Variants in FANK1 observed in about 807,000 individuals in gnomAD.
The protein encoded by FANK1 is fibronectin type III and ankyrin repeat domains 1.
FANK1 carries 44 observed loss-of-function variants against 45.3 expected under a neutral mutation model. The observed-to-expected ratio is 0.97, with a 90% confidence interval of 0.76 to 1.25. The LOEUF (loss-of-function observed/expected upper bound fraction) is 1.25, where lower values mean the gene tolerates loss of function less well. Among genes scored for constraint, FANK1 ranks in the 50% most tolerant of loss-of-function variants. The pLI, the probability that FANK1 is intolerant of heterozygous loss-of-function variation, is 0.00. For missense variants in FANK1, 391 were observed against 424.4 expected (o/e 0.92, Z 0.69); for synonymous variants, 149 against 152.5 (o/e 0.98, Z 0.17).
At chr10:125,910,549 CTGTT>C (rs1945907529) in intron 1 of FANK1, among the ~76,000 whole-genome samples, 2 of 152,144 alleles carry the variant, frequency 1.3e-5, no homozygotes, top group South Asian at 4.1e-4. Flanking sequence ...ATTCCTGTGT[CTGTT>C]CTGTACTTTG....
At chr10:125,959,413 C>CAAAAAAAAA (rs767754151) in intron 1 of FANK1, among the ~76,000 whole-genome samples, 16 of 74,638 alleles carry the variant, frequency 2.1e-4, no homozygotes, top group Non-Finnish European at 3.2e-4. Context: ...GACTCTGTCT[C>CAAAAAAAAA]AAAAAAAAAA....
At chr10:126,007,138 C>T (rs1446373220) in intron 7 of FANK1, 10 of 152,142 alleles carry the variant, frequency 6.6e-5, no homozygotes, top group Non-Finnish European at 2.9e-5. Flanking sequence ...GCTTCTGAAG[C>T]CCATGGGAAG....
At chr10:125,980,092 A>G (rs887096157) in intron 1 of FANK1, 69 bp from the exon 2 acceptor site, 25 of 1,510,376 alleles carry the variant, frequency 1.7e-5, no homozygotes, top group Non-Finnish European at 2.2e-5. Context: ...AGCAGCTGTA[A>G]TCCACTCGAC....
intron 2 of FANK1, among the ~76,000 whole-genome samples, chr10:125,981,707 G>GA (rs1951230959): frequency 6.6e-6 from 1 of 152,114 alleles, no homozygotes; most frequent in Non-Finnish European, 1.5e-5. Context: ...AAGAAAGAGT[G>GA]ATTGTACCTT....
chr10:125,994,749 G>C, intron 3 of FANK1: 1 of 985,364 alleles, frequency 1.0e-6, no homozygotes, highest in Non-Finnish European at 1.2e-6. Flanking sequence ...CCGCCTGCCT[G>C]TTGGCTTCGC....
chr10:125,900,777 A>G (rs1254685981), intron 1 of FANK1, among the ~76,000 whole-genome samples: 1 of 151,994 alleles, frequency 6.6e-6, no homozygotes, highest in Non-Finnish European at 1.5e-5. Flanking sequence ...TCAGCCTCCC[A>G]AGTAGCTGGG....
At chr10:125,933,605 G>A (rs574339649) in intron 1 of FANK1, among the ~76,000 whole-genome samples, 3 of 151,862 alleles carry the variant, frequency 2.0e-5, no homozygotes, top group African/African-American at 7.2e-5. Flanking sequence ...TTTATGTTTC[G>A]TCTTTTTTGT....
intron 1 of FANK1, among the ~76,000 whole-genome samples, chr10:125,897,998 CAAAAAAAAAAAAAAAAA>C (rs373550249): frequency 2.8e-3 from 47 of 16,794 alleles, no homozygotes; most frequent in African/African-American, 9.9e-3. Flanking sequence ...TACTAAAATA[CAAAAAAAAAAAAAAAAA>C]AAAAAAAAAA....
intron 6 of FANK1, among the ~76,000 whole-genome samples, chr10:126,002,763 CTT>C (rs375158618): frequency 1.3e-3 from 152 of 113,198 alleles, no homozygotes; most frequent in Middle Eastern, 5.3e-3. Flanking sequence ...TTTGCCTCTC[CTT>C]TTTTTTTTTT....
rs147932623 is a variant in FANK1 at position 125,951,802 on chromosome 10, A to G, written c.14-28359A>G. 3.8e-4 allele frequency among the ~76,000 whole-genome samples: 58 copies of G among 152,288 alleles called. No individual in the cohort carries two copies. In the East Asian group the frequency reaches 8.1e-3, roughly 21 times the overall value. On this transcript the variant is annotated intron_variant, in intron 1 of 10. Transcript: ENST00000368693. ...TCCGTTGAGTTTAAATTTTAGAATG[A>G]TCAATAATTGTGGAAAAAAATTCAT...
chr10:126,004,232 T>C (rs1481089906), intron 6 of FANK1: 5 of 151,926 alleles, frequency 3.3e-5, no homozygotes, highest in East Asian at 3.8e-4. Context: ...ATTGGTTTGA[T>C]AGTTATCTCT....
intron 1 of FANK1, among the ~76,000 whole-genome samples, chr10:125,957,046 G>A (rs1393042009): frequency 6.6e-6 from 1 of 152,108 alleles, no homozygotes; most frequent in Admixed American, 6.5e-5. Flanking sequence ...TAGTAGAGAC[G>A]GGGTTTCACC....
intron 1 of FANK1, among the ~76,000 whole-genome samples, chr10:125,912,944 G>T (rs1174923140): frequency 6.6e-6 from 1 of 152,192 alleles, no homozygotes; most frequent in Non-Finnish European, 1.5e-5. Context: ...CTATTGCTTA[G>T]CTTTAATGTG....
chr10:126,001,391 G>C (rs1257259712), intron 6 of FANK1, among the ~76,000 whole-genome samples: 4 of 152,340 alleles, frequency 2.6e-5, no homozygotes, highest in East Asian at 3.9e-4. Context: ...AAGGCAGGGA[G>C]AAGAGAAAAT....
chr10:125,937,441 T>G (rs1053150760), intron 1 of FANK1, among the ~76,000 whole-genome samples: 4 of 152,228 alleles, frequency 2.6e-5, no homozygotes, highest in African/African-American at 9.6e-5. Context: ...AAAAAGATTC[T>G]GCTTCACAAC....
rs1949604418 is a variant in FANK1, at chr10:125,956,794, C to G, written c.14-23367C>G. 3.3e-5 allele frequency among the ~76,000 whole-genome samples: 5 copies of G among 152,192 alleles called. No homozygotes were observed. In the South Asian group the frequency reaches 8.3e-4, roughly 25 times the overall value. On this transcript the variant is annotated intron_variant, in intron 1 of 10. Coordinates refer to ENST00000368693, the MANE Select transcript of FANK1 (RefSeq NM_145235.5). ...CCAGAAGGAAGATGATTTTAATAAC[C>G]AGGAAAAACGTAAAACTCATTATAG...
In FANK1 at chr10:125,929,149, G is replaced by C. The variant is rs888042833; in HGVS notation, c.13+32494G>C. On this transcript the variant is annotated intron_variant, in intron 1 of 10. Coordinates refer to ENST00000368693, the MANE Select transcript of FANK1 (RefSeq NM_145235.5). ...CTCACAGAAGAGCCAGGTGGTTGAA[G>C]CTTAGCTAGCAATTTGAGCTGCAGA... Among the ~76,000 whole-genome samples the C allele has an allele frequency of 7.2e-5, 11 of 152,354 alleles. No homozygotes were observed. In the South Asian group the frequency reaches 1.2e-3, roughly 17 times the overall value.
intron 1 of FANK1, among the ~76,000 whole-genome samples, chr10:125,953,222 G>A (rs890261631): frequency 6.6e-6 from 1 of 152,154 alleles, no homozygotes; most frequent in African/African-American, 2.4e-5. Context: ...GGGCTCACTT[G>A]TCTTGGGAGA....
chr10:125,947,198 G>T (rs1287841921), intron 1 of FANK1, among the ~76,000 whole-genome samples: 43 of 152,024 alleles, frequency 2.8e-4, no homozygotes, highest in South Asian at 6.2e-4. Context: ...GGAAGAAACT[G>T]CATCAACTAA....
Sources: gnomAD v4.1 joint callset for allele counts (sites outside exome capture counted in the v4.1 genomes callset) on GRCh38, gnomAD v4.1.1 for gene constraint, MANE v1.5 for transcripts, NCBI Gene and HGNC (gene_info 2026-07-23, HGNC 2026-07-21) for gene names.